Variants in MYL3 observed in about 807,000 individuals in gnomAD.
The protein encoded by MYL3 is myosin light chain 3, also known as CMLC1.
In MYL3, 11 loss-of-function variants were observed where a neutral mutation model predicts 21.3. The observed-to-expected ratio is 0.52, with a 90% confidence interval of 0.32 to 0.85. MYL3 has a LOEUF of 0.85. Among genes scored for constraint, MYL3 ranks in the 40% least tolerant of loss-of-function variants. The pLI is 0.03. For synonymous variants in MYL3, 88 were observed against 91.6 expected (o/e 0.96, Z 0.22); for missense variants, 206 against 253.3 (o/e 0.81, Z 1.27).
intron 1 of MYL3, among the ~76,000 whole-genome samples, chr3:46,870,070 G>C (rs28733663): frequency 0.036 from 5,530 of 152,108 alleles, 328 homozygotes; most frequent in African/African-American, 0.12. Context: ...GTCAGAAACA[G>C]GGGGGAGAGA....
At chr3:46,875,463 C>G (rs2030160243) in intron 1 of MYL3, among the ~76,000 whole-genome samples, 1 of 152,238 alleles carries the variant, frequency 6.6e-6, no homozygotes, top group Non-Finnish European at 1.5e-5. Context: ...ACACAGCAGT[C>G]TCAGCCTTGC....
intron 1 of MYL3, among the ~76,000 whole-genome samples, chr3:46,862,106 G>C (rs1382072044): frequency 6.6e-6 from 1 of 152,156 alleles, no homozygotes; most frequent in African/African-American, 2.4e-5. Flanking sequence ...GCGCATGAGG[G>C]GTCTCATTGT....
At chr3:46,871,951 GT>G (rs905386996) in intron 1 of MYL3, among the ~76,000 whole-genome samples, 1 of 152,226 alleles carries the variant, frequency 6.6e-6, no homozygotes, top group African/African-American at 2.4e-5. Flanking sequence ...TGGGATTGGG[GT>G]TGGGTTGGCT....
rs972985965 is a variant in MYL3 at position 46,879,749 on chromosome 3, G to GA, written c.-218+2324dup. ...GTGACACAGCAAGACCCTGTCTGGG[G>GA]AAAAAAAAAATGCTGCGTGTGGTGG... On this transcript the variant is annotated intron_variant, in intron 1 of 3. Transcript: ENST00000431168. This position sits in a 1 kb window ranked among gnomAD's most constrained non-coding sequence, Gnocchi z 4.7. 7.6e-5 allele frequency among the ~76,000 whole-genome samples: 11 copies of GA among 144,796 alleles called. No individual in the cohort carries two copies. The highest frequency in any genetic ancestry group is 2.2e-4 in the South Asian group (1 of 4,554). The allele number at this position is 144,796 out of a possible 152,430, so 95.0% of individuals were successfully genotyped here. A position where few individuals can be genotyped will look rare whatever the true frequency, so the allele number is the denominator to read the frequency against.
At chr3:46,863,187 G>A in intron 1 of MYL3, 75 bp downstream of exon 1, 2 of 1,602,498 alleles carry the variant, frequency 1.2e-6, no homozygotes, top group Non-Finnish European at 1.7e-6. Context: ...AGCCTGACCT[G>A]CCTCTTGCTA....
chr3:46,871,659 G>A (rs905336182), intron 1 of MYL3, among the ~76,000 whole-genome samples: 1 of 152,122 alleles, frequency 6.6e-6, no homozygotes, highest in Non-Finnish European at 1.5e-5. Context: ...ACCCAGGAAT[G>A]TGTAATAACC....
chr3:46,880,672 A>C (rs1221676252), intron 1 of MYL3, among the ~76,000 whole-genome samples: 4 of 152,202 alleles, frequency 2.6e-5, no homozygotes. Context: ...GGTTGCAGTG[A>C]GCAGAGATCA....
chr3:46,872,442 A>ACCCCCCCCCCCCCCCCCCCCCCCAGC (rs200592186), intron 1 of MYL3, among the ~76,000 whole-genome samples: 3 of 137,418 alleles, frequency 2.2e-5, no homozygotes, highest in Non-Finnish European at 4.8e-5. Flanking sequence ...GGGCCCCAAG[A>ACCCCCCCCCCCCCCCCCCCCCCCAGC]CCCCCCCCCT....
At chr3:46,863,648 A>C (rs1442800587), upstream of MYL3, among the ~76,000 whole-genome samples, 1 of 152,050 alleles carries the variant, frequency 6.6e-6, no homozygotes, top group Non-Finnish European at 1.5e-5. Context: ...CCTGTTGGGA[A>C]GGGGGAGGGA....
At chr3:46,881,315 C>T (rs1168938877) in intron 1 of MYL3, among the ~76,000 whole-genome samples, 2 of 152,224 alleles carry the variant, frequency 1.3e-5, no homozygotes, top group South Asian at 2.1e-4. Flanking sequence ...TCCAGCGTGC[C>T]CTCCCCAGCC....
At chr3:46,873,565 A>G (rs893898837) in intron 1 of MYL3, among the ~76,000 whole-genome samples, 1 of 152,176 alleles carries the variant, frequency 6.6e-6, no homozygotes, top group Non-Finnish European at 1.5e-5. Context: ...GCTGAGTTTA[A>G]GGGCGGGGGT....
intron 1 of MYL3, among the ~76,000 whole-genome samples, chr3:46,876,974 C>G (rs1480627983): frequency 6.6e-6 from 1 of 152,152 alleles, no homozygotes; most frequent in Admixed American, 6.5e-5. Flanking sequence ...GAACACAGCT[C>G]GTTCTACAGA....
rs1479071663 is a variant in MYL3 at position 46,860,676 on chromosome 3, C to T, written c.307G>A (p.Glu103Lys). 6.2e-7 allele frequency: 1 copy of T among 1,613,600 alleles called. No homozygotes were observed. Among genetic ancestry groups the T allele is most frequent in the African/African-American group, 1.3e-5 (1 of 74,934 alleles). Residue 103 changes from glutamate (E) to lysine (K), a missense_variant and splice_region_variant, in exon 3 of 7, where the codon GAG (glutamate) becomes AAG (lysine). Coordinates refer to ENST00000292327, the MANE Select transcript of MYL3 (RefSeq NM_000258.3). The surrounding 1 kb of genome is among the most constrained non-coding windows in gnomAD (Gnocchi z 4.6). ...GGGGGCTCTCGGGCAGGTGCACTAC[C>T]TTCCTGTCTTGGCTTCCCCAGGACA... Reference protein sequence around the residue: ...LRVLGKPRQEELNTKMMDFET... With the variant: ...LRVLGKPRQEKLNTKMMDFET...
At chr3:46,867,219 A>T (rs945336548), upstream of MYL3, among the ~76,000 whole-genome samples, 1 of 151,770 alleles carries the variant, frequency 6.6e-6, no homozygotes. Context: ...CCCCAGACAC[A>T]GGAACCAGGA....
chr3:46,876,701 G>A (rs927110386), intron 1 of MYL3, among the ~76,000 whole-genome samples: 5 of 152,222 alleles, frequency 3.3e-5, no homozygotes, highest in African/African-American at 4.8e-5. Context: ...CAATGGCTGG[G>A]GGTGGTTGGG....
At chr3:46,864,509 C>T (rs944245172), upstream of MYL3, among the ~76,000 whole-genome samples, 1 of 152,170 alleles carries the variant, frequency 6.6e-6, no homozygotes, top group African/African-American at 2.4e-5. This position sits in a 1 kb window ranked among gnomAD's most constrained non-coding sequence, Gnocchi z 4.7. Flanking sequence ...CTCCCCACTG[C>T]ACCCTCTGCC....
intron 1 of MYL3, among the ~76,000 whole-genome samples, chr3:46,872,319 G>A (rs1317590334): frequency 6.6e-6 from 1 of 152,212 alleles, no homozygotes; most frequent in Non-Finnish European, 1.5e-5. Context: ...CCCCGAGGGA[G>A]CCCTGCCTAA....
At chr3:46,873,889 C>G (rs941480375) in intron 1 of MYL3, among the ~76,000 whole-genome samples, 1 of 152,238 alleles carries the variant, frequency 6.6e-6, no homozygotes, top group Admixed American at 6.5e-5. Context: ...GGCCTGACCT[C>G]ACTGGGCCAG....
rs539016634 is a variant in MYL3 at position 46,859,696 on chromosome 3, A to C, written c.308-48T>G. 6 of 1,581,208 alleles carry C rather than the reference A, an allele frequency of 3.8e-6. No individual in the cohort carries two copies. Among genetic ancestry groups the C allele is most frequent in the Admixed American group, 3.3e-5 (2 of 59,962 alleles). On this transcript the variant is annotated intron_variant, in intron 3 of 6. Coordinates refer to ENST00000292327, the MANE Select transcript of MYL3 (RefSeq NM_000258.3). The surrounding 1 kb of genome is among the most constrained non-coding windows in gnomAD (Gnocchi z 4.1). ...TCCAGGGTCTAAGGCTGGGGTGGGC[A>C]CACCCCTCCCCCATGCCTGATAATG...
Sources: gnomAD v4.1 joint callset for allele counts (sites outside exome capture counted in the v4.1 genomes callset) on GRCh38, gnomAD v4.1.1 for gene constraint, Gnocchi (gnomAD v3.1) non-coding constraint, MANE v1.5 for transcripts, NCBI Gene and HGNC (gene_info 2026-07-23, HGNC 2026-07-21) for gene names.